The following IGSF10 variants were observed in gnomAD, a reference collection of about 807,000 sequenced individuals.
IGSF10 encodes the protein immunoglobulin superfamily member 10.
In IGSF10, 126 loss-of-function variants were observed where a neutral mutation model predicts 128.2. The ratio of observed to expected loss-of-function variants is 0.98; its 90% CI spans 0.85 to 1.14. The LOEUF (loss-of-function observed/expected upper bound fraction) is 1.14, where lower values mean the gene tolerates loss of function less well. Among genes scored for constraint, IGSF10 ranks in the 50% most tolerant of loss-of-function variants. IGSF10 has a pLI of 0.00. For synonymous variants in IGSF10, 1,185 were observed against 1,146.2 expected (o/e 1.03, Z -0.68); for missense variants, 3,295 against 3,149.8 (o/e 1.05, Z -1.10).
At chr3:151,475,155 A>G in the IGSF10 span, among the ~76,000 whole-genome samples, 1 of 152,214 alleles carries the variant, frequency 6.6e-6, no homozygotes, top group Admixed American at 6.5e-5. Context: ...TCTCACTCCA[A>G]ATGGGTCAGC....
At chr3:151,564,135 T>A in the IGSF10 span, among the ~76,000 whole-genome samples, 1 of 152,234 alleles carries the variant, frequency 6.6e-6, no homozygotes, top group Admixed American at 6.6e-5. Context: ...AACCTTGCAT[T>A]GGCTTTAGGA....
At position 151,448,925 on chromosome 3, in the gene IGSF10, G is replaced by A. The variant is rs1240758825; in HGVS notation, c.1056C>T (p.Ile352=). The part of the protein sequence containing the change: ...PIAFTEENDY[I]VLNTSFSTFL... Reference sequence around the variant, plus strand: ...ATGTTGAAAATGAAGTATTTAGCACGATGTAGTCATTTTCTTCAGTGAATG... The same window carrying A: ...ATGTTGAAAATGAAGTATTTAGCACAATGTAGTCATTTTCTTCAGTGAATG... Residue 352 remains isoleucine (I), a synonymous_variant, in exon 6 of 8, where the codon ATC becomes ATT. Transcript: ENST00000282466. 8.1e-6 allele frequency: 13 copies of A among 1,614,048 alleles called. No individual in the cohort carries two copies. The highest frequency in any genetic ancestry group is 6.7e-5 in the Admixed American group (4 of 60,002).
chr3:151,436,562 G>T lies in IGSF10; in HGVS notation c.*127C>A. 1.6e-6 allele frequency: 1 copy of T among 633,578 alleles called. No individual in the cohort carries two copies. The highest frequency in any genetic ancestry group is 2.7e-6 in the Non-Finnish European group (1 of 372,120). The allele number at this position is 633,578 out of a possible 1,614,324, so 39.2% of individuals were successfully genotyped here. ...ATTTATTTACAAGTCCTTTTATTTT[G>T]CATGTTCATTGTAAATTTAATACTG... On this transcript the variant is annotated 3_prime_UTR_variant, in exon 8 of 8. Coordinates refer to ENST00000282466, the MANE Select transcript of IGSF10 (RefSeq NM_178822.5).
At chr3:151,495,517 C>G in the IGSF10 span, among the ~76,000 whole-genome samples, 3 of 151,962 alleles carry the variant, frequency 2.0e-5, no homozygotes, top group Non-Finnish European at 4.4e-5. Context: ...TCCGTGACAA[C>G]ATTAGAGATA....
chr3:151,496,807 T>G, the IGSF10 span, among the ~76,000 whole-genome samples: 739 of 151,874 alleles, frequency 4.9e-3, 9 homozygotes, highest in Non-Finnish European at 8.4e-3. Flanking sequence ...AGTGTAAAAG[T>G]GTTCCTATTT....
At chr3:151,532,217 G>A in the IGSF10 span, among the ~76,000 whole-genome samples, 2 of 150,214 alleles carry the variant, frequency 1.3e-5, no homozygotes, top group Non-Finnish European at 3.0e-5. Context: ...AAAGTCCAAG[G>A]CCAGACGGAT....
the IGSF10 span, among the ~76,000 whole-genome samples, chr3:151,605,688 A>G: frequency 6.6e-6 from 1 of 152,248 alleles, no homozygotes; most frequent in Non-Finnish European, 1.5e-5. Context: ...AGGTGACTTG[A>G]TCAAGGCCAT....
chr3:151,581,118 G>A, the IGSF10 span, among the ~76,000 whole-genome samples: 1 of 152,084 alleles, frequency 6.6e-6, no homozygotes, highest in East Asian at 1.9e-4. Flanking sequence ...CATGTTCATG[G>A]ATCTTTTTCT....
the IGSF10 span, among the ~76,000 whole-genome samples, chr3:151,474,904 T>C: frequency 3.9e-5 from 6 of 152,274 alleles, no homozygotes; most frequent in Admixed American, 1.3e-4. Flanking sequence ...GAGAACAACA[T>C]GGGAAAGACT....
chr3:151,529,673 A>G, the IGSF10 span, among the ~76,000 whole-genome samples: 1 of 152,154 alleles, frequency 6.6e-6, no homozygotes, highest in East Asian at 1.9e-4. Context: ...CATCAATAAA[A>G]AGGACGTCCA....
the IGSF10 span, among the ~76,000 whole-genome samples, chr3:151,595,761 A>T: frequency 6.7e-6 from 1 of 150,242 alleles, no homozygotes; most frequent in Admixed American, 6.6e-5. Flanking sequence ...ATAGAAACAG[A>T]GAATAGAAAG....
At chr3:151,495,264 A>T in the IGSF10 span, among the ~76,000 whole-genome samples, 1 of 152,158 alleles carries the variant, frequency 6.6e-6, no homozygotes, top group African/African-American at 2.4e-5. Flanking sequence ...GGAATGGGAA[A>T]CTTCCTGTGC....
At chr3:151,514,239 A>AACCAAAACAGCATGGTACTGGT in the IGSF10 span, among the ~76,000 whole-genome samples, 107 of 152,312 alleles carry the variant, frequency 7.0e-4, no homozygotes, top group African/African-American at 2.3e-3. Flanking sequence ...AGGTTACAGT[A>AACCAAAACAGCATGGTACTGGT]ACCAAAACAG....
At chr3:151,528,934 C>T in the IGSF10 span, among the ~76,000 whole-genome samples, 2 of 152,114 alleles carry the variant, frequency 1.3e-5, no homozygotes, top group Middle Eastern at 3.4e-3. Flanking sequence ...CCATGGAGCC[C>T]AGCAAGCTAA....
chr3:151,505,132 T>C, the IGSF10 span, among the ~76,000 whole-genome samples: 3,508 of 152,326 alleles, frequency 0.023, 101 homozygotes, highest in East Asian at 0.063. Context: ...TAGTTCGTTC[T>C]CATGCTGCTA....
the IGSF10 span, among the ~76,000 whole-genome samples, chr3:151,615,163 A>G: frequency 6.6e-6 from 1 of 150,580 alleles, no homozygotes; most frequent in African/African-American, 2.4e-5. Flanking sequence ...CTCTAATGTT[A>G]CATTTGATTA....
the IGSF10 span, among the ~76,000 whole-genome samples, chr3:151,520,211 T>A: frequency 6.6e-6 from 1 of 151,860 alleles, no homozygotes; most frequent in Admixed American, 6.6e-5. Flanking sequence ...CCTGCCCGAG[T>A]TTGTTTTGTC....
At chr3:151,514,526 C>T in the IGSF10 span, among the ~76,000 whole-genome samples, 2 of 152,076 alleles carry the variant, frequency 1.3e-5, no homozygotes, top group Admixed American at 1.3e-4. Context: ...AGAAGAAAAC[C>T]TAGGCAATAC....
chr3:151,505,510 G>A, the IGSF10 span, among the ~76,000 whole-genome samples: 2 of 152,162 alleles, frequency 1.3e-5, no homozygotes, highest in Non-Finnish European at 2.9e-5. Context: ...AATAGAACTG[G>A]TTTCAAAATT....
Sources: allele counts gnomAD v4.1 joint callset (sites outside exome capture counted in the v4.1 genomes callset), GRCh38; gene constraint gnomAD v4.1.1; transcripts MANE v1.5; gene names NCBI Gene and HGNC (gene_info 2026-07-23, HGNC 2026-07-21).